RAP1GAP2: variants seen among roughly 807,000 people sequenced by gnomAD.
RAP1GAP2 encodes RAP1 GTPase activating protein 2, also known as rap1 GTPase-activating protein 2.
RAP1GAP2 carries 27 observed loss-of-function variants against 95.0 expected under a neutral mutation model. The ratio of observed to expected loss-of-function variants is 0.28; its 90% confidence interval spans 0.21 to 0.39. The LOEUF (loss-of-function observed/expected upper bound fraction) is 0.39, where lower values mean the gene tolerates loss of function less well. RAP1GAP2 is among the 10% of genes least tolerant of loss of function. RAP1GAP2 has a pLI of 1.00. For missense variants in RAP1GAP2, 771 were observed against 970.0 expected, an observed-to-expected ratio of 0.79 and a Z score of 2.72; for synonymous variants, 373 against 380.9, an observed-to-expected ratio of 0.98 and a Z score of 0.24.
intron 2 of RAP1GAP2, among the ~76,000 whole-genome samples, chr17:2,801,597 A>ATGTGTGTG (rs71150898): frequency 0.02 from 2,405 of 121,772 alleles, 54 homozygotes; most frequent in African/African-American, 0.039. Context: ...ACTCCAGGGT[A>ATGTGTGTG]TGTGTGTGTG....
chr17:2,918,937 C>T (rs560869188), intron 3 of RAP1GAP2, among the ~76,000 whole-genome samples: 3 of 152,202 alleles, frequency 2.0e-5, no homozygotes, highest in Admixed American at 6.5e-5. Context: ...CATTATTATT[C>T]CTCCAAAAAA....
rs1369781614 is a variant in RAP1GAP2, at chr17:3,027,042, C to T, written c.2079C>T (p.Thr693=). The T allele has an allele frequency of 1.3e-6, 2 of 1,578,292 alleles. No individual in the cohort carries two copies. The highest frequency in any genetic ancestry group is 1.7e-6 in the Non-Finnish European group (2 of 1,162,460). ...SESPSLGAAA[T]PIIMSRSPTD... ...GCCCCAGCCTGGGGGCAGCTGCCAC[C>T]CCGATCATCATGAGCCGGAGTCCCA... is the stretch of plus-strand genomic sequence containing the variant. The change falls in exon 22 of 25, where the codon ACC becomes ACT. Residue 693 remains threonine, a synonymous_variant. Transcript: ENST00000254695. The surrounding 1 kb of genome is among the most constrained non-coding windows in gnomAD (Gnocchi z 5.2).
chr17:2,916,598 T>G (rs1036900639), intron 3 of RAP1GAP2, among the ~76,000 whole-genome samples: 3 of 152,152 alleles, frequency 2.0e-5, no homozygotes, highest in African/African-American at 7.2e-5. Context: ...AACAGGTCGC[T>G]TCATCTCCGT....
intron 12 of RAP1GAP2, among the ~76,000 whole-genome samples, chr17:2,994,638 G>T (rs2045891711): frequency 6.6e-6 from 1 of 152,224 alleles, no homozygotes; most frequent in Non-Finnish European, 1.5e-5. Context: ...CTGGGCAGAG[G>T]ACTTGGACAT....
intron 2 of RAP1GAP2, among the ~76,000 whole-genome samples, chr17:2,802,092 T>G (rs533225343): frequency 3.0e-4 from 45 of 152,302 alleles, no homozygotes; most frequent in Non-Finnish European, 5.1e-4. Context: ...AATTCACTGT[T>G]GCATGGAAAA....
rs1430540897 is a variant in RAP1GAP2 at position 3,036,750 on chromosome 17, T to C, written c.*3389T>C. The C allele has an allele frequency of 6.6e-6, 1 of 152,588 alleles. No individual in the cohort carries two copies. Among genetic ancestry groups the C allele is most frequent in the Non-Finnish European group, 1.5e-5 (1 of 68,028 alleles). 9.5% of individuals were successfully genotyped at this position (152,588 alleles called of 1,614,324 possible). A position where few individuals can be genotyped will look rare whatever the true frequency, so the allele number is the denominator to read the frequency against. On this transcript the variant is annotated 3_prime_UTR_variant, in exon 25 of 25. Coordinates refer to ENST00000254695, the MANE Select transcript of RAP1GAP2 (RefSeq NM_015085.5). Reference sequence around the variant, plus strand: ...AAGTGGTCAAAGAAAAACTCTTCATTTCTCCCTGATTCTTAAACGAAGGTG... The same window carrying C: ...AAGTGGTCAAAGAAAAACTCTTCATCTCTCCCTGATTCTTAAACGAAGGTG...
At position 3,035,986 on chromosome 17, in the gene RAP1GAP2, G is replaced by A. The variant is rs760191855; in HGVS notation, c.*2625G>A. On this transcript the variant is annotated 3_prime_UTR_variant, in exon 25 of 25. Transcript: ENST00000254695. The surrounding 1 kb of genome is among the most constrained non-coding windows in gnomAD (Gnocchi z 4.3). ...TGATCTCCACGAGGGGATGTTTTCC[G>A]GGACACATCTCTGGCTCTGGGAACT... 4.6e-5 allele frequency: 7 copies of A among 152,178 alleles called. No homozygotes were observed. The highest frequency in any genetic ancestry group is 9.7e-5 in the African/African-American group (4 of 41,418). 9.4% of individuals were successfully genotyped at this position (152,178 alleles called of 1,614,324 possible). A position where few individuals can be genotyped will look rare whatever the true frequency, so the allele number is the denominator to read the frequency against.
intron 1 of RAP1GAP2, chr17:2,800,113 A>T: frequency 1.2e-6 from 1 of 830,672 alleles, no homozygotes; most frequent in Non-Finnish European, 1.5e-6. Flanking sequence ...ATTCAGATTG[A>T]CATCCGTGCT....
intron 2 of RAP1GAP2, among the ~76,000 whole-genome samples, chr17:2,886,388 G>T (rs1010037621): frequency 6.6e-6 from 1 of 151,894 alleles, no homozygotes; most frequent in African/African-American, 2.4e-5. Context: ...ATCCAGGCTG[G>T]TCTCGAACTT....
intron 2 of RAP1GAP2, among the ~76,000 whole-genome samples, chr17:2,860,785 C>T (rs185781450): frequency 4.0e-4 from 60 of 151,414 alleles, no homozygotes; most frequent in African/African-American, 1.4e-3. Context: ...TTTGTATTTT[C>T]AGTAGAGATG....
intron 16 of RAP1GAP2, 118 bp from the exon 17 acceptor site, chr17:3,007,893 T>G: frequency 3.9e-6 from 5 of 1,276,142 alleles, no homozygotes; most frequent in Non-Finnish European, 5.4e-6. Flanking sequence ...TCCACACCGT[T>G]GCTGGGCCGG....
chr17:2,927,103 G>C (rs943009821), intron 3 of RAP1GAP2, among the ~76,000 whole-genome samples: 10 of 151,520 alleles, frequency 6.6e-5, no homozygotes, highest in Non-Finnish European at 1.3e-4. Context: ...CTCCTAGAAG[G>C]CCACCTGTAT....
Position 2,991,417 on chromosome 17 carries a change from C to A in RAP1GAP2, c.914+20C>A. ...CAAAGGGTGGGTTTTAGCCAAGTGA[C>A]GGCTCCAGCTCCATCAACAAGGGCA... On this transcript the variant is annotated intron_variant, in intron 12 of 24. Transcript: ENST00000254695. 1 of 1,550,862 alleles carries A rather than the reference C, an allele frequency of 6.4e-7. No homozygotes were observed. The highest frequency in any genetic ancestry group is 8.8e-7 in the Non-Finnish European group (1 of 1,135,348).
At position 2,993,104 on chromosome 17, in the gene RAP1GAP2, C is replaced by T. The variant is rs187429647; in HGVS notation, c.914+1707C>T. Among the ~76,000 whole-genome samples the T allele has an allele frequency of 2.3e-3, 353 of 151,032 alleles. 1 individual carries two copies. The highest frequency in any genetic ancestry group is 8.1e-3 in the African/African-American group (334 of 41,038). On this transcript the variant is annotated intron_variant, in intron 12 of 24. Transcript: ENST00000254695. Reference sequence around the variant, plus strand: ...AGGCATGGTGGCAGGTGCCTGTCGTCCCAGCTACTTGGGAGGCTGAGGCAG... The same window carrying T: ...AGGCATGGTGGCAGGTGCCTGTCGTTCCAGCTACTTGGGAGGCTGAGGCAG...
chr17:2,905,782 C>A (rs956861170), intron 3 of RAP1GAP2, among the ~76,000 whole-genome samples: 16 of 152,194 alleles, frequency 1.1e-4, no homozygotes, highest in African/African-American at 3.6e-4. Flanking sequence ...TGAGCTGGGC[C>A]TGTTCACGGC....
At chr17:2,956,612 C>T (rs1176638693) in intron 3 of RAP1GAP2, among the ~76,000 whole-genome samples, 1 of 152,222 alleles carries the variant, frequency 6.6e-6, no homozygotes, top group Non-Finnish European at 1.5e-5. Context: ...GACCTCCCGG[C>T]TTCGCGGTGC....
intron 11 of RAP1GAP2, 131 bp downstream of exon 11, chr17:2,985,197 G>A: frequency 2.0e-6 from 3 of 1,469,428 alleles, no homozygotes; most frequent in Non-Finnish European, 2.7e-6. Context: ...TCACATTTAA[G>A]GTATGAATTA....
chr17:2,862,920 T>G (rs1389881586), intron 2 of RAP1GAP2, among the ~76,000 whole-genome samples: 1 of 149,232 alleles, frequency 6.7e-6, no homozygotes, highest in Non-Finnish European at 1.5e-5. Flanking sequence ...TTGCTTGAAC[T>G]TGGGAGGCAG....
At chr17:2,756,743 C>G (rs2071154932) in intron 1 of RAP1GAP2, among the ~76,000 whole-genome samples, 8 of 152,144 alleles carry the variant, frequency 5.3e-5, no homozygotes, top group Admixed American at 5.2e-4. Context: ...TGGGCTTCCC[C>G]AGCACCTCCC....
Sources: gnomAD v4.1 joint callset for allele counts (sites outside exome capture counted in the v4.1 genomes callset) on GRCh38, gnomAD v4.1.1 for gene constraint, Gnocchi (gnomAD v3.1) non-coding constraint, MANE v1.5 for transcripts, NCBI Gene and HGNC (gene_info 2026-07-23, HGNC 2026-07-21) for gene names.